The following PPP1R21 variants were observed in gnomAD, a reference collection of about 807,000 sequenced individuals.
PPP1R21 encodes protein phosphatase 1 regulatory subunit 21.
In PPP1R21, 85 loss-of-function variants were observed where a neutral mutation model predicts 112.8. The observed-to-expected ratio is 0.75, with a 90% CI of 0.63 to 0.90. The LOEUF (loss-of-function observed/expected upper bound fraction) is 0.90, where lower values mean the gene tolerates loss of function less well. Ranked by LOEUF, PPP1R21 falls within the 40% of genes least tolerant of loss-of-function variation. The pLI is 0.00. For missense variants in PPP1R21, 1,199 were observed against 901.5 expected (o/e 1.33, Z -4.23); for synonymous variants, 381 against 322.3 (o/e 1.18, Z -1.95).
chr2:48,471,989 C>A (rs1668530551), intron 11 of PPP1R21, among the ~76,000 whole-genome samples: 1 of 152,128 alleles, frequency 6.6e-6, no homozygotes, highest in East Asian at 1.9e-4. Flanking sequence ...CCTGTAATCC[C>A]AGCACTTTGG....
intron 9 of PPP1R21, among the ~76,000 whole-genome samples, chr2:48,466,344 T>C (rs1668202269): frequency 6.6e-6 from 1 of 152,092 alleles, no homozygotes; most frequent in African/African-American, 2.4e-5. Context: ...CCCAACTAGC[T>C]GGGACTACAG....
At chr2:48,456,768 C>G (rs1202708759) in intron 3 of PPP1R21, among the ~76,000 whole-genome samples, 1 of 152,112 alleles carries the variant, frequency 6.6e-6, no homozygotes, top group South Asian at 2.1e-4. Context: ...GATATACATA[C>G]CAGGCCAGGC....
chr2:48,441,042 C>A lies in PPP1R21; in HGVS notation c.57+32C>A, dbSNP rs201361029. 18 of 1,525,362 alleles carry A rather than the reference C, an allele frequency of 1.2e-5. No homozygotes were observed. The East Asian group carries it at 3.2e-4, about 27-fold the overall frequency. The allele number at this position is 1,525,362 out of a possible 1,614,324, so 94.5% of individuals were successfully genotyped here. A position where few individuals can be genotyped will look rare whatever the true frequency, so the allele number is the denominator to read the frequency against. ...ATCGTGGTCTGGGAGTAGGGGGTCC[C>A]CCGCCCTGCGGCCTCAGGTTGCCGT... On this transcript the variant is annotated intron_variant, in intron 1 of 21. Transcript: ENST00000294952.
chr2:48,442,022 C>G (rs1315339747), intron 1 of PPP1R21, among the ~76,000 whole-genome samples: 1 of 152,226 alleles, frequency 6.6e-6, no homozygotes, highest in Non-Finnish European at 1.5e-5. Context: ...TTCACCATCA[C>G]ATAGGAGTCT....
chr2:48,496,332 A>G (rs1669832839), intron 16 of PPP1R21, among the ~76,000 whole-genome samples: 3 of 152,198 alleles, frequency 2.0e-5, no homozygotes, highest in Admixed American at 2.0e-4. Context: ...TAACTTGCCT[A>G]GGGCAGGACT....
At position 48,440,904 on chromosome 2, in the gene PPP1R21, G is replaced by A; in HGVS notation, c.-50G>A. The A allele has an allele frequency of 1.7e-6, 2 of 1,162,096 alleles. No individual in the cohort carries two copies. Among genetic ancestry groups the A allele is most frequent in the Non-Finnish European group, 1.2e-6 (1 of 821,848 alleles). 72.0% of individuals were successfully genotyped at this position (1,162,096 alleles called of 1,614,324 possible). On this transcript the variant is annotated 5_prime_UTR_variant, in exon 1 of 22. Coordinates refer to ENST00000294952, the MANE Select transcript of PPP1R21 (RefSeq NM_001135629.3). ...AGCGTGTCTGGGTTTGGGGGCGGGAGACAGGCTGAGCCGCCTGGGCGGCCT... is the reference window on the plus strand; with the variant it reads ...AGCGTGTCTGGGTTTGGGGGCGGGAAACAGGCTGAGCCGCCTGGGCGGCCT...
At chr2:48,506,721 G>A (rs946258334) in intron 18 of PPP1R21, among the ~76,000 whole-genome samples, 5 of 152,020 alleles carry the variant, frequency 3.3e-5, no homozygotes, top group Non-Finnish European at 5.9e-5. Context: ...CAAGGCAGGC[G>A]GATCACAAGG....
At chr2:48,476,520 C>A (rs1404038316) in intron 12 of PPP1R21, among the ~76,000 whole-genome samples, 1 of 152,160 alleles carries the variant, frequency 6.6e-6, no homozygotes, top group Admixed American at 6.5e-5. Flanking sequence ...GTTTGAGGAG[C>A]TGCTGGAGTG....
chr2:48,485,347 T>C (rs1373746391), intron 13 of PPP1R21, among the ~76,000 whole-genome samples: 2 of 152,178 alleles, frequency 1.3e-5, no homozygotes, highest in African/African-American at 2.4e-5. Flanking sequence ...CTAATTGAAT[T>C]TTTATACACT....
chr2:48,451,084 A>G lies in PPP1R21; in HGVS notation c.126+8A>G, dbSNP rs1201456195. 3.7e-6 allele frequency: 6 copies of G among 1,610,656 alleles called. No homozygotes were observed. In the African/African-American group the frequency reaches 6.7e-5, roughly 18 times the overall value. ...AATTCTGCAGCTTTAAAGGTGGGCAACAGGATATTTGTGTTGTGAGGGTTA... is the reference window on the plus strand; with the variant it reads ...AATTCTGCAGCTTTAAAGGTGGGCAGCAGGATATTTGTGTTGTGAGGGTTA... On this transcript the variant is annotated splice_region_variant and intron_variant, in intron 2 of 21. Coordinates refer to ENST00000294952, the MANE Select transcript of PPP1R21 (RefSeq NM_001135629.3).
chr2:48,504,516 C>G (rs367755136), intron 17 of PPP1R21, among the ~76,000 whole-genome samples: 7 of 152,252 alleles, frequency 4.6e-5, no homozygotes, highest in African/African-American at 1.7e-4. Context: ...TGGCGTGCAC[C>G]TGTAATCCCC....
At chr2:48,509,457 G>A (rs527623737) in intron 19 of PPP1R21, among the ~76,000 whole-genome samples, 7 of 151,918 alleles carry the variant, frequency 4.6e-5, no homozygotes, top group Non-Finnish European at 8.8e-5. Flanking sequence ...TGTAATCCCA[G>A]CACTTTGGGA....
chr2:48,443,641 G>A (rs1307991349), intron 1 of PPP1R21, among the ~76,000 whole-genome samples: 2 of 152,166 alleles, frequency 1.3e-5, no homozygotes, highest in Non-Finnish European at 2.9e-5. Context: ...TCTTTTAATT[G>A]CAATGTGATG....
At chr2:48,486,397 G>A (rs1318167593) in intron 13 of PPP1R21, among the ~76,000 whole-genome samples, 2 of 152,154 alleles carry the variant, frequency 1.3e-5, no homozygotes, top group Non-Finnish European at 2.9e-5. Flanking sequence ...GGAAATCTTG[G>A]TGGCTGTAGT....
At chr2:48,466,707 A>G (rs1264510631) in intron 9 of PPP1R21, among the ~76,000 whole-genome samples, 2 of 152,166 alleles carry the variant, frequency 1.3e-5, no homozygotes, top group African/African-American at 4.8e-5. Context: ...AGTGGGATAC[A>G]CTTTTTCCCC....
intron 7 of PPP1R21, among the ~76,000 whole-genome samples, chr2:48,464,369 C>G (rs1572845999): frequency 6.6e-6 from 1 of 151,990 alleles, no homozygotes; most frequent in Non-Finnish European, 1.5e-5. Flanking sequence ...AGATGCAGCT[C>G]ATTAAGGAGG....
At chr2:48,481,486 A>C (rs1669009205) in intron 13 of PPP1R21, among the ~76,000 whole-genome samples, 1 of 152,230 alleles carries the variant, frequency 6.6e-6, no homozygotes, top group Admixed American at 6.5e-5. Flanking sequence ...GCTAAGACTT[A>C]GTCGTAGTCC....
intron 12 of PPP1R21, among the ~76,000 whole-genome samples, chr2:48,476,834 T>C (rs1668778892): frequency 6.6e-6 from 1 of 152,196 alleles, no homozygotes; most frequent in Non-Finnish European, 1.5e-5. Context: ...TTATGTATTA[T>C]ACATACAAGT....
At chr2:48,504,277 T>G (rs1020543767) in intron 17 of PPP1R21, among the ~76,000 whole-genome samples, 7 of 152,320 alleles carry the variant, frequency 4.6e-5, no homozygotes, top group African/African-American at 1.7e-4. Flanking sequence ...TAACATTCAT[T>G]AGTACACATT....
Sources: allele counts gnomAD v4.1 joint callset (sites outside exome capture counted in the v4.1 genomes callset), GRCh38; gene constraint gnomAD v4.1.1; transcripts MANE v1.5; gene names NCBI Gene and HGNC (gene_info 2026-07-23, HGNC 2026-07-21).